The following SHISA9 variants were observed in gnomAD, a reference collection of about 807,000 sequenced individuals.
SHISA9 encodes the protein protein shisa-9.
SHISA9 carries 13 observed loss-of-function variants against 38.0 expected under a neutral mutation model. The ratio of observed to expected loss-of-function variants is 0.34; its 90% CI spans 0.22 to 0.54. SHISA9 has a LOEUF of 0.54. SHISA9 is among the 20% of genes least tolerant of loss of function. The pLI is 0.91. For missense variants in SHISA9, 538 were observed against 575.8 expected (o/e 0.93, Z 0.67); for synonymous variants, 275 against 242.0 (o/e 1.14, Z -1.27).
At chr16:13,087,147 C>CATTTTTTTTTTTTTTTTTT (rs2073720814) in intron 2 of SHISA9, among the ~76,000 whole-genome samples, 1 of 81,626 alleles carries the variant, frequency 1.2e-5, no homozygotes, top group Non-Finnish European at 2.3e-5. Context: ...ATGAACTCGT[C>CATTTTTTTTTTTTTTTTTT]TTTTTTTTTT....
intron 2 of SHISA9, among the ~76,000 whole-genome samples, chr16:12,939,597 T>C (rs1308356217): frequency 2.0e-5 from 3 of 152,156 alleles, no homozygotes; most frequent in African/African-American, 7.2e-5. Flanking sequence ...CTCACGGAGG[T>C]TGTCACTTGT....
chr16:13,077,489 C>A (rs1315707798), intron 2 of SHISA9, among the ~76,000 whole-genome samples: 1 of 152,082 alleles, frequency 6.6e-6, no homozygotes, highest in Non-Finnish European at 1.5e-5. Context: ...TCAGGAATGG[C>A]CATGAAGTGG....
At chr16:13,423,989 G>A in the SHISA9 span, among the ~76,000 whole-genome samples, 1 of 152,284 alleles carries the variant, frequency 6.6e-6, no homozygotes, top group Admixed American at 6.5e-5. Flanking sequence ...GGACTCATCT[G>A]ATTAGGTCAA....
intron 4 of SHISA9, among the ~76,000 whole-genome samples, chr16:13,221,887 G>C (rs1192062421): frequency 6.6e-6 from 1 of 152,182 alleles, no homozygotes; most frequent in African/African-American, 2.4e-5. Context: ...GGATATAGCT[G>C]TCTCATGTGA....
intron 2 of SHISA9, among the ~76,000 whole-genome samples, chr16:13,192,700 C>T (rs893062103): frequency 1.3e-5 from 2 of 152,026 alleles, no homozygotes; most frequent in Admixed American, 1.3e-4. Flanking sequence ...ACGGTGAAAC[C>T]CCATCTCTGC....
intron 2 of SHISA9, among the ~76,000 whole-genome samples, chr16:13,113,156 G>T (rs989834720): frequency 4.4e-5 from 6 of 136,836 alleles, no homozygotes; most frequent in African/African-American, 1.7e-4. Context: ...GTTGCAGTGA[G>T]CCAAGATCAT....
chr16:13,465,976 A>G, the SHISA9 span, among the ~76,000 whole-genome samples: 1 of 152,146 alleles, frequency 6.6e-6, no homozygotes, highest in Non-Finnish European at 1.5e-5. Context: ...GGCCCACATG[A>G]TTTGCAATCT....
intron 2 of SHISA9, among the ~76,000 whole-genome samples, chr16:12,952,643 G>T (rs1292086019): frequency 3.3e-5 from 5 of 152,170 alleles, no homozygotes; most frequent in Non-Finnish European, 7.3e-5. Context: ...TGATATGAGT[G>T]AGTTCTCACG....
the SHISA9 span, among the ~76,000 whole-genome samples, chr16:13,552,194 G>A: frequency 6.6e-6 from 1 of 152,154 alleles, no homozygotes; most frequent in African/African-American, 2.4e-5. Context: ...TCTCTGCAGA[G>A]AAACCAAGAG....
the SHISA9 span, among the ~76,000 whole-genome samples, chr16:13,349,673 T>A: frequency 5.7e-3 from 870 of 152,332 alleles, 5 homozygotes; most frequent in African/African-American, 0.02. Flanking sequence ...TGACAGTTGA[T>A]GGGTACACTT....
the SHISA9 span, among the ~76,000 whole-genome samples, chr16:13,309,433 A>G: frequency 1.3e-5 from 2 of 152,074 alleles, no homozygotes; most frequent in African/African-American, 4.8e-5. Flanking sequence ...ACCCGAGGTC[A>G]GAAGTTTGAG....
intron 2 of SHISA9, among the ~76,000 whole-genome samples, chr16:13,028,508 G>T (rs2072952529): frequency 1.3e-5 from 2 of 151,900 alleles, no homozygotes; most frequent in Admixed American, 6.6e-5. Context: ...TGAAAGGGGA[G>T]ACCCCTTATA....
intron 2 of SHISA9, among the ~76,000 whole-genome samples, chr16:12,917,882 C>T (rs372490684): frequency 5.9e-5 from 9 of 152,238 alleles, no homozygotes; most frequent in African/African-American, 1.9e-4. Flanking sequence ...TAGTTTTGGA[C>T]TGTTTGGTTG....
At chr16:13,196,866 G>A (rs948977659) in intron 2 of SHISA9, among the ~76,000 whole-genome samples, 3 of 152,202 alleles carry the variant, frequency 2.0e-5, no homozygotes, top group Non-Finnish European at 4.4e-5. Flanking sequence ...GACTGAGGCA[G>A]GCAGGTCACC....
chr16:13,107,891 T>C (rs2073942427), intron 2 of SHISA9, among the ~76,000 whole-genome samples: 1 of 152,038 alleles, frequency 6.6e-6, no homozygotes, highest in Admixed American at 6.6e-5. Context: ...GGATATGAAT[T>C]GGGGTCTAGT....
chr16:13,156,729 G>A (rs552203745), intron 2 of SHISA9, among the ~76,000 whole-genome samples: 3 of 67,926 alleles, frequency 4.4e-5, no homozygotes, highest in South Asian at 5.4e-4. Flanking sequence ...GTGAGACTCC[G>A]TCTCAAAAAA....
chr16:13,468,492 C>T, the SHISA9 span, among the ~76,000 whole-genome samples: 1 of 152,220 alleles, frequency 6.6e-6, no homozygotes, highest in East Asian at 1.9e-4. Flanking sequence ...CTGCCTCCAA[C>T]TTTTTAAATA....
rs537160526 is a variant in SHISA9, at chr16:12,955,841, G to A, written c.691+39026G>A. Among the ~76,000 whole-genome samples, 267 of 152,190 alleles carry A rather than the reference G, an allele frequency of 1.8e-3. 3 individuals carry two copies. Among genetic ancestry groups the A allele is most frequent in the African/African-American group, 6.2e-3 (257 of 41,546 alleles). ...CTAGGGAAAACTCTTCTGGACATTAGCCTAAGTGAATAATTTATGATGAAG... is the reference window on the plus strand; with the variant it reads ...CTAGGGAAAACTCTTCTGGACATTAACCTAAGTGAATAATTTATGATGAAG... On this transcript the variant is annotated intron_variant, in intron 2 of 4. Transcript: ENST00000558583.
chr16:13,072,471 G>A (rs368640846), intron 2 of SHISA9, among the ~76,000 whole-genome samples: 39 of 152,212 alleles, frequency 2.6e-4, no homozygotes, highest in African/African-American at 4.8e-4. Context: ...AATTCCAGCC[G>A]GAGGCCTTCC....
Sources: gnomAD v4.1 joint callset for allele counts (sites outside exome capture counted in the v4.1 genomes callset) on GRCh38, gnomAD v4.1.1 for gene constraint, MANE v1.5 for transcripts, NCBI Gene and HGNC (gene_info 2026-07-23, HGNC 2026-07-21) for gene names.